Variants in FAAH2 observed in about 807,000 individuals in gnomAD.
FAAH2 encodes fatty-acid amide hydrolase 2.
In FAAH2, 60 loss-of-function variants were observed where a neutral mutation model predicts 36.9. The ratio of observed to expected loss-of-function variants is 1.63; its 90% CI spans 1.32 to 2.02. The LOEUF (loss-of-function observed/expected upper bound fraction) is 2.02, where lower values mean the gene tolerates loss of function less well. Among genes scored for constraint, FAAH2 ranks in the 30% most tolerant of loss-of-function variants. The pLI, the probability that FAAH2 is intolerant of heterozygous loss-of-function variation, is 0.00. For synonymous variants in FAAH2, 214 were observed against 143.8 expected (o/e 1.49, Z -3.49); for missense variants, 689 against 397.5 (o/e 1.73, Z -6.23).
chrX:57,407,596 A>T (rs2055598987), intron 7 of FAAH2, among the ~76,000 whole-genome samples: 1 of 110,675 alleles, frequency 9.0e-6, no homozygotes, highest in African/African-American at 3.3e-5. Flanking sequence ...AGTTTTTGGC[A>T]CTCTTCCCTC....
the FAAH2 span, among the ~76,000 whole-genome samples, chrX:57,123,231 C>T: frequency 9.0e-6 from 1 of 111,333 alleles, no homozygotes; most frequent in Admixed American, 9.5e-5. Context: ...CAATTCCCAC[C>T]TATGAGTGAG....
intron 10 of FAAH2, among the ~76,000 whole-genome samples, chrX:57,476,391 G>C (rs1014102201): frequency 1.8e-5 from 2 of 111,278 alleles, no homozygotes; most frequent in Non-Finnish European, 3.8e-5. Context: ...AGTTTATTGA[G>C]AGCTTTTAGC....
chrX:57,172,696 G>A, the FAAH2 span, among the ~76,000 whole-genome samples: 1 of 111,687 alleles, frequency 9.0e-6, no homozygotes, highest in Admixed American at 9.5e-5. Flanking sequence ...AAAGGAGATG[G>A]TTTTCTCCTA....
At chrX:57,394,628 C>G (rs2055249167) in intron 7 of FAAH2, 1 of 1,078,405 alleles carries the variant, frequency 9.3e-7, no homozygotes, top group African/African-American at 1.8e-5. Context: ...CCCTAAGCCA[C>G]CAGGAACGGG....
chrX:57,440,096 G>A (rs1397169260), intron 8 of FAAH2, among the ~76,000 whole-genome samples: 1 of 111,296 alleles, frequency 9.0e-6, no homozygotes, highest in Non-Finnish European at 1.9e-5. Flanking sequence ...CTCTTTTTTG[G>A]TTACATATGA....
At chrX:57,378,538 A>G in intron 5 of FAAH2, 113 bp from the exon 6 acceptor site, 1 of 969,505 alleles carries the variant, frequency 1.0e-6, no homozygotes. Context: ...AAGACCTGAA[A>G]AGTTTTAACC....
chrX:57,265,793 C>A, the FAAH2 span, among the ~76,000 whole-genome samples: 1 of 111,260 alleles, frequency 9.0e-6, no homozygotes, highest in Admixed American at 9.5e-5. Flanking sequence ...CCCAAGCCAA[C>A]CTGGGGTGGA....
chrX:57,400,505 C>T (rs1036120536), intron 7 of FAAH2, among the ~76,000 whole-genome samples: 4 of 112,015 alleles, frequency 3.6e-5, no homozygotes, highest in Admixed American at 1.9e-4. Context: ...TTCTTTAGGG[C>T]CCGGAAAGCC....
chrX:57,485,441 G>C (rs932910418), intron 10 of FAAH2, among the ~76,000 whole-genome samples: 1 of 111,420 alleles, frequency 9.0e-6, no homozygotes, highest in Non-Finnish European at 1.9e-5. Context: ...GTGGGGAGTT[G>C]TGTGGCATGC....
chrX:57,385,105 G>A (rs929449524), intron 7 of FAAH2, among the ~76,000 whole-genome samples: 2 of 109,650 alleles, frequency 1.8e-5, no homozygotes, highest in Admixed American at 2.0e-4. Flanking sequence ...ACAGGAAGGG[G>A]AACATCACAC....
the FAAH2 span, among the ~76,000 whole-genome samples, chrX:57,154,195 T>A: frequency 9.0e-6 from 1 of 110,500 alleles, no homozygotes; most frequent in Admixed American, 9.7e-5. Flanking sequence ...GTGTCCTTTA[T>A]TTCCTGAAGT....
chrX:57,321,482 T>C (rs1424417283), intron 3 of FAAH2, among the ~76,000 whole-genome samples: 1 of 109,820 alleles, frequency 9.1e-6, no homozygotes, highest in Admixed American at 9.8e-5. Context: ...TAATAATTAT[T>C]ATTATACTAT....
chrX:57,213,461 T>C, the FAAH2 span, among the ~76,000 whole-genome samples: 1 of 112,042 alleles, frequency 8.9e-6, no homozygotes, highest in Non-Finnish European at 1.9e-5. Flanking sequence ...GATGTATGCA[T>C]TTAATGCTAT....
At chrX:57,404,975 G>T (rs2055530276) in intron 7 of FAAH2, among the ~76,000 whole-genome samples, 1 of 111,677 alleles carries the variant, frequency 9.0e-6, no homozygotes. Flanking sequence ...CTGGTTCCAG[G>T]CAGACCAACA....
At chrX:57,444,813 G>T (rs1225616104) in intron 8 of FAAH2, among the ~76,000 whole-genome samples, 2 of 111,674 alleles carry the variant, frequency 1.8e-5, no homozygotes, top group Non-Finnish European at 3.8e-5. Flanking sequence ...TTTTCAGTTT[G>T]TCAAGTGAAT....
intron 7 of FAAH2, among the ~76,000 whole-genome samples, chrX:57,382,955 A>G (rs2054897118): frequency 9.0e-6 from 1 of 111,475 alleles, no homozygotes; most frequent in East Asian, 2.8e-4. Flanking sequence ...GAATCAAGCA[A>G]CACATCAAAA....
At chrX:57,163,291 G>T in the FAAH2 span, among the ~76,000 whole-genome samples, 1 of 112,150 alleles carries the variant, frequency 8.9e-6, no homozygotes, top group Non-Finnish European at 1.9e-5. Flanking sequence ...ATTTAAGTCT[G>T]CAGAAGTTAC....
At chrX:57,459,228 G>A (rs930343249) in intron 10 of FAAH2, among the ~76,000 whole-genome samples, 1 of 112,355 alleles carries the variant, frequency 8.9e-6, no homozygotes, top group Non-Finnish European at 1.9e-5. Context: ...AGGCTGAAGG[G>A]AAATCAACAC....
At chrX:57,222,828 C>A in the FAAH2 span, among the ~76,000 whole-genome samples, 3 of 111,467 alleles carry the variant, frequency 2.7e-5, no homozygotes, top group Non-Finnish European at 5.7e-5. Context: ...ACAGAACAAC[C>A]CTTTCCAGAT....
Sources: gnomAD v4.1 joint callset for allele counts (sites outside exome capture counted in the v4.1 genomes callset) on GRCh38, gnomAD v4.1.1 for gene constraint, MANE v1.5 for transcripts, NCBI Gene and HGNC (gene_info 2026-07-23, HGNC 2026-07-21) for gene names.